HDGF: variants seen among roughly 807,000 people sequenced by gnomAD.
HDGF encodes heparin binding growth factor.
In HDGF, 5 loss-of-function variants were observed where a neutral mutation model predicts 30.0. The observed-to-expected ratio is 0.17, with a 90% CI of 0.09 to 0.35. HDGF has a LOEUF of 0.35. Ranked by LOEUF, HDGF falls within the 10% of genes least tolerant of loss-of-function variation. The probability of loss-of-function intolerance (pLI) is 1.00; values close to 1 mark genes in which losing one functional copy is unlikely to be tolerated. For missense variants in HDGF, 214 were observed against 302.8 expected (o/e 0.71, Z 2.18); for synonymous variants, 133 against 112.7 (o/e 1.18, Z -1.14).
In HDGF at chr1:156,744,213, C is replaced by T. The variant is rs374787693; in HGVS notation, c.439G>A (p.Glu147Lys). ...GKLVIDEPAK[E>K]KNEKGALKRR... is the part of the protein sequence containing the mutation. ...TTCAACGCTCCTTTCTCGTTCTTCT[C>T]CTTGGCTGGCTCATCAATGACCAGC... Residue 147 changes from glutamate (E) to lysine (K), a missense_variant, in exon 4 of 6, where the codon GAG becomes AAG. Physicochemically the swap from Glu to Lys is moderately conservative, Grantham distance 56. Coordinates refer to ENST00000357325, the MANE Select transcript of HDGF (RefSeq NM_004494.3). 3.1e-6 allele frequency: 5 copies of T among 1,614,038 alleles called. No individual in the cohort carries two copies. The highest frequency in any genetic ancestry group is 1.3e-5 in the African/African-American group (1 of 74,908).
In HDGF at chr1:156,758,604, T is replaced by TAAAAATAAATAA. The variant is rs369799205; in HGVS notation, n.373+378_373+379insTTATTTATTTTT. Among the ~76,000 whole-genome samples, 114 of 96,470 alleles carry TAAAAATAAATAA rather than the reference T, an allele frequency of 1.2e-3. 5 individuals carry two copies. The highest frequency in any genetic ancestry group is 2.5e-3 in the African/African-American group (67 of 26,604). The allele number at this position is 96,470 out of a possible 152,430, so 63.3% of individuals were successfully genotyped here. A position where few individuals can be genotyped will look rare whatever the true frequency, so the allele number is the denominator to read the frequency against. On this transcript the variant is annotated intron_variant and non_coding_transcript_variant, in intron 2 of 7. Transcript: ENST00000465180. Reference sequence around the variant, plus strand: ...CGAGACTCCGTCTCAAAAAAAAAAATAAATAAATAAATAAATAAAAAAAAT... The same window carrying TAAAAATAAATAA: ...CGAGACTCCGTCTCAAAAAAAAAAATAAAAATAAATAAAAATAAATAAATAAATAAAAAAAAT...
At chr1:156,764,765 A>C (rs1174005860) in intron 1 of HDGF, among the ~76,000 whole-genome samples, 1 of 151,904 alleles carries the variant, frequency 6.6e-6, no homozygotes, top group Non-Finnish European at 1.5e-5. Context: ...GCACACCTGT[A>C]ATCCCAGCTA....
At chr1:156,756,793 CTTT>C (rs558782106), upstream of HDGF, among the ~76,000 whole-genome samples, 14 of 122,426 alleles carry the variant, frequency 1.1e-4, no homozygotes, top group Admixed American at 1.7e-4. Context: ...AAAAGGTGGT[CTTT>C]TTTTTTTTTT....
At chr1:156,751,694 C>T, upstream of HDGF, 6 of 1,174,904 alleles carry the variant, frequency 5.1e-6, no homozygotes, top group Non-Finnish European at 5.3e-6. This position sits in a 1 kb window ranked among gnomAD's most constrained non-coding sequence, Gnocchi z 4.7. Flanking sequence ...TTGCTCCCTC[C>T]TCTGCGCGAG....
intron 1 of HDGF, among the ~76,000 whole-genome samples, chr1:156,762,113 G>A (rs1430357139): frequency 2.0e-5 from 3 of 151,768 alleles, no homozygotes; most frequent in Non-Finnish European, 4.4e-5. Context: ...CTGCACTCCA[G>A]CCTGGATGAC....
Position 156,743,282 on chromosome 1 carries a change from C to G in HDGF, c.*167G>C. The G allele has an allele frequency of 1.4e-6, 1 of 700,014 alleles. No individual in the cohort carries two copies. The highest frequency in any genetic ancestry group is 2.4e-6 in the Non-Finnish European group (1 of 417,232). The allele number at this position is 700,014 out of a possible 1,614,324, so 43.4% of individuals were successfully genotyped here. A position where few individuals can be genotyped will look rare whatever the true frequency, so the allele number is the denominator to read the frequency against. ...GTGAGAGCCAGGTGGCCTGCCCCAT[C>G]CAGGTCAATCTCCATGGGCTGGGCT... On this transcript the variant is annotated 3_prime_UTR_variant, in exon 6 of 6. Transcript: ENST00000357325.
intron 1 of HDGF, among the ~76,000 whole-genome samples, chr1:156,748,746 G>C (rs1301294653): frequency 6.6e-6 from 1 of 152,232 alleles, no homozygotes; most frequent in East Asian, 1.9e-4. Flanking sequence ...GGAAGGCTAA[G>C]CACACACTGG....
In HDGF at chr1:156,751,648, T is replaced by C. The variant is rs1375681255; in HGVS notation, c.-219A>G. 9.9e-7 allele frequency: 1 copy of C among 1,012,870 alleles called. No homozygotes were observed. The highest frequency in any genetic ancestry group is 1.1e-4 in the East Asian group (1 of 9,516). 62.7% of individuals were successfully genotyped at this position (1,012,870 alleles called of 1,614,324 possible). On this transcript the variant is annotated 5_prime_UTR_variant, in exon 1 of 6. Coordinates refer to ENST00000357325, the MANE Select transcript of HDGF (RefSeq NM_004494.3). This position sits in a 1 kb window ranked among gnomAD's most constrained non-coding sequence, Gnocchi z 4.7. ...CGGGGCAAGGCTCCGGCGCGGTGGGTGCGCGCTCGTGCAGTTGTTTGTGTT... is the reference window on the plus strand; with the variant it reads ...CGGGGCAAGGCTCCGGCGCGGTGGGCGCGCGCTCGTGCAGTTGTTTGTGTT...
upstream of HDGF, among the ~76,000 whole-genome samples, chr1:156,754,949 AAAAAC>A (rs753362317): frequency 1.0e-3 from 159 of 152,296 alleles, no homozygotes; most frequent in Admixed American, 3.9e-3. Context: ...CCTCCGTCTC[AAAAAC>A]AAAACAAAAC....
chr1:156,763,125 C>CT (rs2102742216), intron 1 of HDGF, among the ~76,000 whole-genome samples: 1 of 152,156 alleles, frequency 6.6e-6, no homozygotes, highest in South Asian at 2.1e-4. Flanking sequence ...TCAAAATGAT[C>CT]TTTAATGCCT....
At chr1:156,756,251 C>CAATAAATA (rs538566857), upstream of HDGF, among the ~76,000 whole-genome samples, 4 of 151,722 alleles carry the variant, frequency 2.6e-5, no homozygotes, top group South Asian at 2.1e-4. Flanking sequence ...GACTAGGTCT[C>CAATAAATA]AATAAATAAA....
chr1:156,763,295 C>T (rs1385902268), intron 1 of HDGF, among the ~76,000 whole-genome samples: 1 of 151,964 alleles, frequency 6.6e-6, no homozygotes, highest in Non-Finnish European at 1.5e-5. Context: ...TCACTGCAAC[C>T]TCTGCCTCCT....
intron 1 of HDGF, among the ~76,000 whole-genome samples, chr1:156,746,285 T>G (rs1006555605): frequency 3.9e-5 from 6 of 152,246 alleles, no homozygotes; most frequent in African/African-American, 1.2e-4. Context: ...TGCTTTTATC[T>G]GCAGCACGGT....
intron 1 of HDGF, among the ~76,000 whole-genome samples, chr1:156,750,042 G>A (rs1049303716): frequency 6.6e-6 from 1 of 152,112 alleles, no homozygotes; most frequent in Non-Finnish European, 1.5e-5. Context: ...AAAGTTTCAC[G>A]GAACCAGGAG....
upstream of HDGF, among the ~76,000 whole-genome samples, chr1:156,753,855 C>T (rs1241476171): frequency 6.6e-6 from 1 of 151,438 alleles, no homozygotes; most frequent in African/African-American, 2.4e-5. Flanking sequence ...CGGCCTAGGT[C>T]GTTATTATAA....
intron 3 of HDGF, chr1:156,744,556 C>A: frequency 6.5e-7 from 1 of 1,536,254 alleles, no homozygotes; most frequent in Non-Finnish European, 8.7e-7. Context: ...GGGCTCTGTG[C>A]AGGAGGGGGG....
chr1:156,756,111 G>A (rs1651150873), upstream of HDGF, among the ~76,000 whole-genome samples: 1 of 152,184 alleles, frequency 6.6e-6, no homozygotes, highest in Non-Finnish European at 1.5e-5. Context: ...AATTAGCTGG[G>A]TGTGGTGGCG....
chr1:156,748,409 A>C (rs9426941), intron 1 of HDGF, among the ~76,000 whole-genome samples: 1 of 152,276 alleles, frequency 6.6e-6, no homozygotes, highest in East Asian at 1.9e-4. Flanking sequence ...CTGTGACTCA[A>C]AACAAGTGAG....
At chr1:156,764,913 A>C (rs1014497464) in intron 1 of HDGF, among the ~76,000 whole-genome samples, 16 of 151,630 alleles carry the variant, frequency 1.1e-4, no homozygotes, top group African/African-American at 3.6e-4. Context: ...AAGAAGAAAG[A>C]AAACATTTGA....
Sources: gnomAD v4.1 joint callset for allele counts (sites outside exome capture counted in the v4.1 genomes callset) on GRCh38, gnomAD v4.1.1 for gene constraint, Gnocchi (gnomAD v3.1) non-coding constraint, MANE v1.5 for transcripts, NCBI Gene and HGNC (gene_info 2026-07-23, HGNC 2026-07-21) for gene names.